Variants in PTPRZ1 observed in about 807,000 individuals in gnomAD.
PTPRZ1 encodes the protein protein tyrosine phosphatase receptor type Z1, also known as receptor-type tyrosine-protein phosphatase zeta.
In PTPRZ1, 82 loss-of-function variants were observed where a neutral mutation model predicts 214.1. The observed-to-expected ratio is 0.38, with a 90% CI of 0.32 to 0.46. The LOEUF is 0.46. PTPRZ1 is among the 20% of genes least tolerant of loss of function. PTPRZ1 has a pLI of 1.00. For synonymous variants in PTPRZ1, 945 were observed against 987.9 expected (o/e 0.96, Z 0.81); for missense variants, 2,603 against 2,748.7 (o/e 0.95, Z 1.19).
In PTPRZ1 at chr7:122,032,821, G is replaced by A. The variant is rs576843790; in HGVS notation, c.5166+1262G>A. 2.0e-5 allele frequency among the ~76,000 whole-genome samples: 3 copies of A among 152,230 alleles called. No homozygotes were observed. In the East Asian group the frequency reaches 5.8e-4, roughly 29 times the overall value. ...GCTACATTGAATAAGAAAGCAGTGT[G>A]AGGCAGTACTAAGTAGGGTGGAATA... On this transcript the variant is annotated intron_variant, in intron 15 of 29. Coordinates refer to ENST00000393386, the MANE Select transcript of PTPRZ1 (RefSeq NM_002851.3).
At chr7:121,995,230 T>C (rs895117127) in intron 8 of PTPRZ1, among the ~76,000 whole-genome samples, 31 of 152,270 alleles carry the variant, frequency 2.0e-4, no homozygotes, top group Non-Finnish European at 3.5e-4. Flanking sequence ...TGTTAACATA[T>C]TTTTGAGTCC....
chr7:122,013,485 A>C lies in PTPRZ1; in HGVS notation c.4439A>C (p.Asn1480Thr), dbSNP rs778294273. 1 of 1,614,156 alleles carries C rather than the reference A, an allele frequency of 6.2e-7. No homozygotes were observed. The highest frequency in any genetic ancestry group is 8.5e-7 in the Non-Finnish European group (1 of 1,180,026). ...NNPISYSLSE[N>T]SEEDNRVTSV... ...CCAATCTCATACTCACTATCTGAGAATTCTGAAGAAGATAATAGAGTCACA... is the reference window on the plus strand; with the variant it reads ...CCAATCTCATACTCACTATCTGAGACTTCTGAAGAAGATAATAGAGTCACA... Residue 1480 changes from asparagine to threonine, a missense_variant, in exon 12 of 30, where the codon AAT becomes ACT. Physicochemically the swap from Asn to Thr is moderately conservative, Grantham distance 65 (BLOSUM62 0). Coordinates refer to ENST00000393386, the MANE Select transcript of PTPRZ1 (RefSeq NM_002851.3).
chr7:122,059,735 C>CT lies in PTPRZ1; in HGVS notation c.6672-6dup, dbSNP rs55805372. 0.055 allele frequency: 60,029 copies of CT among 1,093,446 alleles called. 35 individuals are homozygous for CT. The highest frequency in any genetic ancestry group is 0.059 in the Non-Finnish European group (46,219 of 779,738). The allele number at this position is 1,093,446 out of a possible 1,614,324, so 67.7% of individuals were successfully genotyped here. On this transcript the variant is annotated splice_polypyrimidine_tract_variant and intron_variant, in intron 28 of 29. Coordinates refer to ENST00000393386, the MANE Select transcript of PTPRZ1 (RefSeq NM_002851.3). ...TCTCAATGGAGTCTTTGTTCCTTTT[C>CT]TTTTTTTTTTTTACAAGGCATGGAG... is the stretch of plus-strand genomic sequence containing the variant.
chr7:121,897,790 A>C (rs1419738650), intron 1 of PTPRZ1, among the ~76,000 whole-genome samples: 3 of 152,194 alleles, frequency 2.0e-5, no homozygotes, highest in Non-Finnish European at 4.4e-5. Flanking sequence ...GGGCAGAGTG[A>C]GTGATCAAGA....
chr7:121,874,389 T>C (rs137959569), intron 1 of PTPRZ1, among the ~76,000 whole-genome samples: 212 of 152,354 alleles, frequency 1.4e-3, no homozygotes, highest in African/African-American at 4.5e-3. Context: ...GATTGGACTT[T>C]TGCGTTTTAT....
At chr7:121,950,468 G>T (rs1796517132) in intron 2 of PTPRZ1, among the ~76,000 whole-genome samples, 1 of 152,220 alleles carries the variant, frequency 6.6e-6, no homozygotes, top group Admixed American at 6.5e-5. Flanking sequence ...TAGTGATAAA[G>T]AAGCAAAGTA....
intron 13 of PTPRZ1, among the ~76,000 whole-genome samples, chr7:122,020,833 T>TC (rs57060649): frequency 0.44 from 66,111 of 151,838 alleles, 14,779 homozygotes; most frequent in South Asian, 0.54. Flanking sequence ...AGATTCTTTT[T>TC]TTTTTTTGCT....
At position 121,947,793 on chromosome 7, in the gene PTPRZ1, T is replaced by C. The variant is rs1025430593; in HGVS notation, c.124+19572T>C. On this transcript the variant is annotated intron_variant, in intron 2 of 29. Coordinates refer to ENST00000393386, the MANE Select transcript of PTPRZ1 (RefSeq NM_002851.3). ...GAGGCCAAATCCAGACTAAATTAAATAGATCTGGCATGGTAACATATCATT... is the reference window on the plus strand; with the variant it reads ...GAGGCCAAATCCAGACTAAATTAAACAGATCTGGCATGGTAACATATCATT... Among the ~76,000 whole-genome samples, 10 of 152,152 alleles carry C rather than the reference T, an allele frequency of 6.6e-5. No homozygotes were observed. The East Asian group carries it at 7.7e-4, about 12-fold the overall frequency.
At chr7:122,041,802 C>T (rs979482839) in intron 21 of PTPRZ1, among the ~76,000 whole-genome samples, 5 of 152,290 alleles carry the variant, frequency 3.3e-5, no homozygotes, top group Middle Eastern at 3.4e-3. Flanking sequence ...ATTACCATCT[C>T]AGGAGTTAAA....
chr7:122,043,476 A>T (rs1283244184), intron 22 of PTPRZ1, among the ~76,000 whole-genome samples: 1 of 152,216 alleles, frequency 6.6e-6, no homozygotes, highest in Non-Finnish European at 1.5e-5. Context: ...CCCGTAAGTG[A>T]CAGAACAGTG....
intron 28 of PTPRZ1, among the ~76,000 whole-genome samples, 155 bp downstream of exon 28, chr7:122,059,097 ATTT>A (rs59593536): frequency 1.3e-5 from 2 of 148,462 alleles, no homozygotes; most frequent in Non-Finnish European, 1.5e-5. Flanking sequence ...AACACAGAAC[ATTT>A]TTTTTTTTTT....
chr7:121,920,660 A>C (rs1488586131), intron 1 of PTPRZ1, among the ~76,000 whole-genome samples: 2 of 152,188 alleles, frequency 1.3e-5, no homozygotes, highest in Non-Finnish European at 2.9e-5. Flanking sequence ...AAATTATAGA[A>C]GGTTGACAGG....
intron 1 of PTPRZ1, among the ~76,000 whole-genome samples, chr7:121,906,515 G>A (rs965966028): frequency 6.6e-6 from 1 of 152,176 alleles, no homozygotes; most frequent in Non-Finnish European, 1.5e-5. Context: ...TAGAACCAAT[G>A]TCTTAAGGTA....
chr7:122,039,418 G>C (rs1166811156), intron 19 of PTPRZ1, 36 bp from the exon 20 acceptor site: 1 of 1,602,958 alleles, frequency 6.2e-7, no homozygotes, highest in South Asian at 1.1e-5. Context: ...TGGAGCATTT[G>C]AAATACAGAA....
chr7:122,038,987 G>T lies in PTPRZ1; in HGVS notation c.5502+98G>T, dbSNP rs1370395865. 5 of 1,314,844 alleles carry T rather than the reference G, an allele frequency of 3.8e-6. No individual in the cohort carries two copies. In the African/African-American group the frequency reaches 5.9e-5, roughly 15 times the overall value. 81.4% of individuals were successfully genotyped at this position (1,314,844 alleles called of 1,614,324 possible). A position where few individuals can be genotyped will look rare whatever the true frequency, so the allele number is the denominator to read the frequency against. On this transcript the variant is annotated intron_variant, in intron 19 of 29. Transcript: ENST00000393386. ...AGCATTAGGAAGGAGCCAAAGTTTTGAGAGTTATTTGGGATTCTTTTTTAG... is the reference window on the plus strand; with the variant it reads ...AGCATTAGGAAGGAGCCAAAGTTTTTAGAGTTATTTGGGATTCTTTTTTAG...
At chr7:121,957,759 C>T (rs1231137780) in intron 2 of PTPRZ1, among the ~76,000 whole-genome samples, 2 of 152,268 alleles carry the variant, frequency 1.3e-5, no homozygotes, top group African/African-American at 4.8e-5. Context: ...AGACTGAGCT[C>T]ATGTTAGTTC....
intron 1 of PTPRZ1, among the ~76,000 whole-genome samples, chr7:121,899,420 G>C (rs1157809476): frequency 6.6e-6 from 1 of 152,134 alleles, no homozygotes; most frequent in Non-Finnish European, 1.5e-5. Flanking sequence ...ATATATGGAA[G>C]ATAAATTCTG....
In PTPRZ1 at chr7:121,928,246, G is replaced by C. The variant is rs749696733; in HGVS notation, c.124+25G>C. 4 of 1,516,490 alleles carry C rather than the reference G, an allele frequency of 2.6e-6. No homozygotes were observed. The Admixed American group carries it at 7.3e-5, about 28-fold the overall frequency. The allele number at this position is 1,516,490 out of a possible 1,614,324, so 93.9% of individuals were successfully genotyped here. A position where few individuals can be genotyped will look rare whatever the true frequency, so the allele number is the denominator to read the frequency against. ...GGTAAACATATTACTTATATAATGA[G>C]ATTTAGCAGAAACTTTTATTGTTTT... On this transcript the variant is annotated intron_variant, in intron 2 of 29. Coordinates refer to ENST00000393386, the MANE Select transcript of PTPRZ1 (RefSeq NM_002851.3).
At chr7:122,008,995 G>T (rs569957083) in intron 11 of PTPRZ1, among the ~76,000 whole-genome samples, 1 of 151,970 alleles carries the variant, frequency 6.6e-6, no homozygotes, top group African/African-American at 2.4e-5. Flanking sequence ...TCTCTCAGGT[G>T]GTCCTTGTGA....
Sources: gnomAD v4.1 joint callset for allele counts (sites outside exome capture counted in the v4.1 genomes callset) on GRCh38, gnomAD v4.1.1 for gene constraint, MANE v1.5 for transcripts, NCBI Gene and HGNC (gene_info 2026-07-23, HGNC 2026-07-21) for gene names.